The following POU2F1 variants were observed in gnomAD, a reference collection of about 807,000 sequenced individuals.
POU2F1 encodes the protein POU class 2 homeobox 1.
Under a neutral mutation model 84.9 loss-of-function variants are expected in POU2F1, and 16 were observed. The observed-to-expected ratio is 0.19, with a 90% confidence interval of 0.13 to 0.29. POU2F1 has a LOEUF of 0.29. POU2F1 is among the 10% of genes least tolerant of loss of function. The pLI is 1.00. For synonymous variants in POU2F1, 368 were observed against 368.3 expected (o/e 1.00, Z 0.01); for missense variants, 738 against 942.6 (o/e 0.78, Z 2.84).
At chr1:167,351,858 A>C (rs976031627) in intron 2 of POU2F1, among the ~76,000 whole-genome samples, 9 of 152,140 alleles carry the variant, frequency 5.9e-5, no homozygotes. Context: ...CCTAATGTGT[A>C]ATGTTTCCTC....
At chr1:167,407,455 A>G (rs1339525698) in intron 13 of POU2F1, among the ~76,000 whole-genome samples, 2 of 152,228 alleles carry the variant, frequency 1.3e-5, no homozygotes, top group Non-Finnish European at 2.9e-5. Flanking sequence ...CAATTTTGAG[A>G]AAGAGTGAAA....
At chr1:167,410,036 G>T (rs1233923847) in intron 13 of POU2F1, among the ~76,000 whole-genome samples, 1 of 152,178 alleles carries the variant, frequency 6.6e-6, no homozygotes, top group African/African-American at 2.4e-5. Flanking sequence ...ACAGCATCCA[G>T]TGTTCAGTGG....
Position 167,416,089 on chromosome 1 carries a change from A to AAAAAAAAAAAAAAAAAAAAAAAAAAAAAT in POU2F1, c.*296_*297insAAAAAAAAAAATAAAAAAAAAAAAAAAAA. The AAAAAAAAAAAAAAAAAAAAAAAAAAAAAT allele has an allele frequency of 1.7e-5, 1 of 58,658 alleles. No individual in the cohort carries two copies. The highest frequency in any genetic ancestry group is 1.0e-3 in the East Asian group (1 of 982). 3.6% of individuals were successfully genotyped at this position (58,658 alleles called of 1,614,324 possible). On this transcript the variant is annotated 3_prime_UTR_variant, in exon 16 of 16. Coordinates refer to ENST00000367866, the MANE Select transcript of POU2F1 (RefSeq NM_002697.4). The stretch of plus-strand genomic sequence containing the variant: ...TGGAGAACTTTCTAACCAAAAATTA[A>AAAAAAAAAAAAAAAAAAAAAAAAAAAAAT]AAAAAAAAAAAAAAAAAGAAACAAA...
intron 2 of POU2F1, among the ~76,000 whole-genome samples, chr1:167,342,264 C>T (rs1245042306): frequency 6.6e-6 from 1 of 152,092 alleles, no homozygotes; most frequent in Non-Finnish European, 1.5e-5. Context: ...AGGATAGTAT[C>T]ACTATATTTC....
At chr1:167,232,152 T>C (rs1316676984) in intron 1 of POU2F1, among the ~76,000 whole-genome samples, 1 of 152,216 alleles carries the variant, frequency 6.6e-6, no homozygotes, top group Non-Finnish European at 1.5e-5. Context: ...ATTCTGTATT[T>C]TTAATTTGCA....
chr1:167,399,172 T>C lies in POU2F1; in HGVS notation c.1270-14T>C. On this transcript the variant is annotated splice_polypyrimidine_tract_variant and intron_variant, in intron 11 of 15. Transcript: ENST00000367866. ...AAAGGATAGCTTTTGGAATTACATC[T>C]TTTCACCCTGCAGAATCAAAAGCCT... is the stretch of plus-strand genomic sequence containing the variant. The C allele has an allele frequency of 1.3e-6, 2 of 1,590,008 alleles. No individual in the cohort carries two copies. The highest frequency in any genetic ancestry group is 1.7e-6 in the Non-Finnish European group (2 of 1,167,520).
chr1:167,414,305 T>TA, intron 15 of POU2F1: 1 of 984,496 alleles, frequency 1.0e-6, no homozygotes, highest in Non-Finnish European at 1.2e-6. Flanking sequence ...GCTGTGTTGA[T>TA]ACTACAAAGG....
chr1:167,367,196 A>C (rs567203942), intron 3 of POU2F1, among the ~76,000 whole-genome samples: 107 of 152,344 alleles, frequency 7.0e-4, no homozygotes, highest in African/African-American at 2.5e-3. Context: ...ACAGTGTGAC[A>C]CTTGCCTTCT....
At chr1:167,260,536 G>C (rs1257823808) in intron 1 of POU2F1, among the ~76,000 whole-genome samples, 1 of 152,056 alleles carries the variant, frequency 6.6e-6, no homozygotes, top group Non-Finnish European at 1.5e-5. Context: ...TTTTGTGTAT[G>C]GTATGAGATG....
At chr1:167,273,872 A>G in intron 1 of POU2F1, among the ~76,000 whole-genome samples, 1 of 152,356 alleles carries the variant, frequency 6.6e-6, no homozygotes, top group South Asian at 2.1e-4. Flanking sequence ...AGTGAAAGAA[A>G]TTAGAGTTTG....
chr1:167,221,354 A>T (rs1333860338), intron 1 of POU2F1, among the ~76,000 whole-genome samples: 1 of 150,290 alleles, frequency 6.7e-6, no homozygotes, highest in Non-Finnish European at 1.5e-5. Flanking sequence ...AGAGGACAAT[A>T]AAGACATTTT....
At position 167,413,062 on chromosome 1, in the gene POU2F1, C is replaced by T. The variant is rs551936247; in HGVS notation, c.1938C>T (p.Ser646=). Residue 646 remains serine, a synonymous_variant, in exon 15 of 16, where the codon AGC becomes AGT. Coordinates refer to ENST00000367866, the MANE Select transcript of POU2F1 (RefSeq NM_002697.4). ...ALLSLNPGTL[S]GALSPALMSN... is the part of the protein sequence containing the mutation. ...TCAGTCTGAATCCAGGGACCCTGAG[C>T]GGTGCTCTCAGCCCAGCTCTAATGA... 71 of 1,614,118 alleles carry T rather than the reference C, an allele frequency of 4.4e-5. No individual in the cohort carries two copies. Among genetic ancestry groups the T allele is most frequent in the South Asian group, 3.5e-4 (32 of 91,078 alleles).
rs561500121 is a variant in POU2F1 at position 167,402,991 on chromosome 1, A to G, written c.1555+1435A>G. ...CAAATAGCTTTGCAGTTTTCTTAAA[A>G]TATGGGGAAAATCAAAGTAATTTTA... On this transcript the variant is annotated intron_variant, in intron 13 of 15. Coordinates refer to ENST00000367866, the MANE Select transcript of POU2F1 (RefSeq NM_002697.4). Among the ~76,000 whole-genome samples, 16 of 152,378 alleles carry G rather than the reference A, an allele frequency of 1.1e-4. No individual in the cohort carries two copies. In the East Asian group the frequency reaches 3.1e-3, roughly 29 times the overall value.
At chr1:167,349,573 A>G (rs1216522773) in intron 2 of POU2F1, among the ~76,000 whole-genome samples, 4 of 152,164 alleles carry the variant, frequency 2.6e-5, no homozygotes, top group Non-Finnish European at 1.5e-5. Flanking sequence ...TATATGCTCA[A>G]TACGTATTTT....
chr1:167,377,368 C>T (rs1439248895), intron 7 of POU2F1, among the ~76,000 whole-genome samples: 2 of 151,724 alleles, frequency 1.3e-5, no homozygotes, highest in African/African-American at 2.4e-5. Context: ...AGGCAGATCA[C>T]GAGGTCAGGA....
chr1:167,354,613 C>T (rs1658815818), intron 2 of POU2F1, among the ~76,000 whole-genome samples: 1 of 152,126 alleles, frequency 6.6e-6, no homozygotes. Context: ...TATTGCTGAA[C>T]TTGTTCTAAT....
intron 1 of POU2F1, among the ~76,000 whole-genome samples, chr1:167,292,357 A>G (rs1441863345): frequency 2.4e-4 from 36 of 151,960 alleles, no homozygotes. Context: ...TGCACTTTCC[A>G]TTTTGAATAT....
chr1:167,393,499 T>C (rs1350014879), intron 9 of POU2F1, among the ~76,000 whole-genome samples: 1 of 152,030 alleles, frequency 6.6e-6, no homozygotes, highest in African/African-American at 2.4e-5. Context: ...TATTTACTTA[T>C]TTATTTATTT....
chr1:167,348,408 C>T (rs188335386), intron 2 of POU2F1, among the ~76,000 whole-genome samples: 21 of 152,194 alleles, frequency 1.4e-4, no homozygotes, highest in Non-Finnish European at 2.2e-4. Flanking sequence ...ATAGAATTAC[C>T]GCCAAACTTT....
Sources: allele counts gnomAD v4.1 joint callset (sites outside exome capture counted in the v4.1 genomes callset), GRCh38; gene constraint gnomAD v4.1.1; transcripts MANE v1.5; gene names NCBI Gene and HGNC (gene_info 2026-07-23, HGNC 2026-07-21).